The following PPM1L variants were observed in gnomAD, a reference collection of about 807,000 sequenced individuals.
PPM1L encodes protein phosphatase 1L.
Under a neutral mutation model 31.4 loss-of-function variants are expected in PPM1L, and 13 were observed. That is an observed-to-expected ratio of 0.41 (90% CI 0.27 to 0.66). The LOEUF (loss-of-function observed/expected upper bound fraction) is 0.66. Ranked by LOEUF, PPM1L falls within the 30% of genes least tolerant of loss-of-function variation. The probability of loss-of-function intolerance (pLI) is 0.29; values close to 1 mark genes in which losing one functional copy is unlikely to be tolerated. For synonymous variants in PPM1L, 184 were observed against 175.4 expected (o/e 1.05, Z -0.39); for missense variants, 326 against 453.7 (o/e 0.72, Z 2.56).
At chr3:160,941,613 G>A (rs1449722593) in intron 1 of PPM1L, among the ~76,000 whole-genome samples, 2 of 151,922 alleles carry the variant, frequency 1.3e-5, no homozygotes, top group African/African-American at 2.4e-5. Context: ...CCCCTCCCGC[G>A]ATGATTCTGA....
chr3:160,891,194 C>T (rs1713126399), intron 1 of PPM1L, among the ~76,000 whole-genome samples: 1 of 152,068 alleles, frequency 6.6e-6, no homozygotes, highest in Non-Finnish European at 1.5e-5. Context: ...AGGTAACCTT[C>T]AGAATGGGAG....
intron 2 of PPM1L, among the ~76,000 whole-genome samples, chr3:161,010,010 A>C (rs1717837466): frequency 6.6e-6 from 1 of 151,918 alleles, no homozygotes; most frequent in Non-Finnish European, 1.5e-5. Flanking sequence ...CTCTATTCTA[A>C]TTTATACTTA....
intron 1 of PPM1L, among the ~76,000 whole-genome samples, chr3:160,836,672 A>T (rs550988441): frequency 1.3e-5 from 2 of 152,316 alleles, no homozygotes; most frequent in East Asian, 3.9e-4. Context: ...GTAGTAGATT[A>T]TCTGAGTGTA....
chr3:160,774,536 C>T (rs1711515386), intron 1 of PPM1L, among the ~76,000 whole-genome samples: 2 of 152,100 alleles, frequency 1.3e-5, no homozygotes, highest in South Asian at 4.1e-4. Flanking sequence ...TGATTTATTT[C>T]TCTGAAATTT....
At chr3:160,855,609 C>T (rs1711674323) in intron 1 of PPM1L, among the ~76,000 whole-genome samples, 1 of 152,120 alleles carries the variant, frequency 6.6e-6, no homozygotes, top group Non-Finnish European at 1.5e-5. Flanking sequence ...CCAACAAGCA[C>T]ATAAAAAATG....
At chr3:160,931,808 T>G (rs1714797281) in intron 1 of PPM1L, among the ~76,000 whole-genome samples, 2 of 152,236 alleles carry the variant, frequency 1.3e-5, no homozygotes, top group African/African-American at 4.8e-5. Context: ...CTTCTTCAGA[T>G]GGTGCTTTAT....
intron 2 of PPM1L, among the ~76,000 whole-genome samples, chr3:160,999,278 C>T (rs922292589): frequency 2.6e-5 from 4 of 152,020 alleles, no homozygotes; most frequent in Non-Finnish European, 5.9e-5. Context: ...TGAAAACGGC[C>T]GCGTGTGGTT....
At chr3:161,014,237 A>C (rs1717998254) in intron 2 of PPM1L, among the ~76,000 whole-genome samples, 1 of 151,982 alleles carries the variant, frequency 6.6e-6, no homozygotes, top group East Asian at 1.9e-4. Context: ...TTATACTATT[A>C]ATTAAGCACA....
chr3:160,832,700 G>A (rs1286911286), intron 1 of PPM1L, among the ~76,000 whole-genome samples: 1 of 152,078 alleles, frequency 6.6e-6, no homozygotes, highest in Non-Finnish European at 1.5e-5. Context: ...TAGCATTGGT[G>A]CAATAATGTT....
chr3:160,802,433 A>T (rs1712458743), intron 1 of PPM1L, among the ~76,000 whole-genome samples: 1 of 152,174 alleles, frequency 6.6e-6, no homozygotes, highest in African/African-American at 2.4e-5. Context: ...GCAAGTGAGC[A>T]ATTTACTCTG....
intron 1 of PPM1L, among the ~76,000 whole-genome samples, chr3:160,933,362 C>A: frequency 6.6e-6 from 1 of 151,132 alleles, no homozygotes. Context: ...AAAATTAAGC[C>A]CAATAGAAAA....
intron 1 of PPM1L, among the ~76,000 whole-genome samples, chr3:160,871,459 T>C (rs1269486406): frequency 6.6e-6 from 1 of 152,202 alleles, no homozygotes; most frequent in Non-Finnish European, 1.5e-5. Flanking sequence ...AAGGAAATTA[T>C]TTTGAGACAG....
chr3:161,002,252 G>C (rs1717516615), intron 2 of PPM1L, among the ~76,000 whole-genome samples: 1 of 152,124 alleles, frequency 6.6e-6, no homozygotes, highest in East Asian at 1.9e-4. Flanking sequence ...GGACATTTGG[G>C]TTGGTTCCAA....
intron 1 of PPM1L, among the ~76,000 whole-genome samples, chr3:160,846,820 C>A (rs1714091619): frequency 2.0e-5 from 3 of 152,126 alleles, no homozygotes; most frequent in Non-Finnish European, 4.4e-5. Flanking sequence ...GCAACTGTTA[C>A]CCCTATCTAA....
chr3:160,851,223 C>T (rs1363935004), intron 1 of PPM1L, among the ~76,000 whole-genome samples: 1 of 151,918 alleles, frequency 6.6e-6, no homozygotes, highest in South Asian at 2.1e-4. Context: ...CTGTTGTCAG[C>T]GATGATTAAA....
At chr3:160,901,565 T>C (rs774701199) in intron 1 of PPM1L, among the ~76,000 whole-genome samples, 4 of 152,158 alleles carry the variant, frequency 2.6e-5, no homozygotes, top group Non-Finnish European at 5.9e-5. Flanking sequence ...ACACATGCTG[T>C]TTCTTCTATC....
intron 2 of PPM1L, among the ~76,000 whole-genome samples, chr3:161,029,013 AT>A (rs1011055673): frequency 1.3e-5 from 2 of 152,214 alleles, no homozygotes; most frequent in African/African-American, 4.8e-5. Context: ...TTAAGCACTT[AT>A]GGTGAGCATA....
intron 1 of PPM1L, among the ~76,000 whole-genome samples, chr3:160,816,728 T>A (rs1439737909): frequency 6.6e-6 from 1 of 152,066 alleles, no homozygotes; most frequent in Non-Finnish European, 1.5e-5. Context: ...TCTATATTCC[T>A]GAATAAATGG....
chr3:160,958,201 C>A (rs576053807), intron 1 of PPM1L, among the ~76,000 whole-genome samples: 1 of 152,076 alleles, frequency 6.6e-6, no homozygotes, highest in South Asian at 2.1e-4. Context: ...TTTGCAATTG[C>A]TTTTGGTGTC....
Sources: gnomAD v4.1 joint callset for allele counts (sites outside exome capture counted in the v4.1 genomes callset) on GRCh38, gnomAD v4.1.1 for gene constraint, MANE v1.5 for transcripts, NCBI Gene and HGNC (gene_info 2026-07-23, HGNC 2026-07-21) for gene names.